The following GNAI1 variants were observed in gnomAD, a reference collection of about 807,000 sequenced individuals.
GNAI1 encodes guanine nucleotide-binding protein G(i) subunit alpha-1.
GNAI1 carries 11 observed loss-of-function variants against 38.9 expected under a neutral mutation model. The ratio of observed to expected loss-of-function variants is 0.28; its 90% CI spans 0.18 to 0.47. The LOEUF is 0.47. Among genes scored for constraint, GNAI1 ranks in the 20% least tolerant of loss-of-function variants. The pLI is 0.99. For missense variants in GNAI1, 317 were observed against 436.9 expected (o/e 0.73, Z 2.45); for synonymous variants, 166 against 145.1 (o/e 1.14, Z -1.04).
At chr7:80,217,222 A>C in intron 7 of GNAI1, 81 bp from the exon 8 acceptor site, 4 of 904,622 alleles carry the variant, frequency 4.4e-6, no homozygotes, top group South Asian at 2.0e-5. Flanking sequence ...CTTCAGTTTC[A>C]TATGTATGAA....
intron 1 of GNAI1, among the ~76,000 whole-genome samples, chr7:80,150,174 T>C (rs1787698863): frequency 6.6e-6 from 1 of 152,270 alleles, no homozygotes. Context: ...GATAATCCCA[T>C]TCCTAGGTAT....
rs1429196860 is a variant in GNAI1 at position 80,199,309 on chromosome 7, T to C, written c.388T>C (p.Leu130=). 1 of 1,613,116 alleles carries C rather than the reference T, an allele frequency of 6.2e-7. No homozygotes were observed. Among genetic ancestry groups the C allele is most frequent in the African/African-American group, 1.3e-5 (1 of 74,876 alleles). ...AGAACTTGCTGGAGTTATAAAGAGA[T>C]TGTGGAAAGATAGTGGTGTACAAGC... ...TAELAGVIKR[L]WKDSGVQACF... is the part of the protein sequence containing the mutation. Residue 130 remains leucine, a synonymous_variant, in exon 4 of 8, where the codon TTG becomes CTG. Coordinates refer to ENST00000649796, the MANE Select transcript of GNAI1 (RefSeq NM_002069.6).
chr7:80,209,799 T>C (rs985685050), intron 5 of GNAI1, among the ~76,000 whole-genome samples: 1 of 152,180 alleles, frequency 6.6e-6, no homozygotes, highest in Admixed American at 6.5e-5. Flanking sequence ...TTTACTGTCA[T>C]TTATTTTGTT....
chr7:80,159,165 G>T (rs1275257338), intron 1 of GNAI1, among the ~76,000 whole-genome samples: 1 of 152,124 alleles, frequency 6.6e-6, no homozygotes, highest in Non-Finnish European at 1.5e-5. Flanking sequence ...CTGGTGGCTT[G>T]TGCTCTCACA....
At chr7:80,154,450 A>C (rs766162018) in intron 1 of GNAI1, among the ~76,000 whole-genome samples, 1 of 152,268 alleles carries the variant, frequency 6.6e-6, no homozygotes, top group South Asian at 2.1e-4. Flanking sequence ...ATCTTCCCCA[A>C]GTTCTTGGGT....
At chr7:80,139,928 T>G (rs1401314980) in intron 1 of GNAI1, among the ~76,000 whole-genome samples, 4 of 131,244 alleles carry the variant, frequency 3.0e-5, no homozygotes, top group Non-Finnish European at 3.4e-5. Context: ...TTTTTTTTTT[T>G]TTTGTAAAGG....
chr7:80,184,514 A>G (rs917080269), intron 1 of GNAI1, among the ~76,000 whole-genome samples: 2 of 152,104 alleles, frequency 1.3e-5, no homozygotes, highest in Non-Finnish European at 2.9e-5. Context: ...TAGCATTCCT[A>G]GAGGAAGGTC....
At chr7:80,199,923 T>C (rs1197191185) in intron 4 of GNAI1, among the ~76,000 whole-genome samples, 2 of 152,174 alleles carry the variant, frequency 1.3e-5, no homozygotes, top group African/African-American at 4.8e-5. Context: ...TATTTGACAC[T>C]GTTTCCAGAT....
Position 80,219,392 on chromosome 7 carries a change from T to C in GNAI1, c.*1899T>C, listed in dbSNP as rs1789033698. ...TTAATAAATCCTAATAAATTTAAATTTTTAAAATTTTACAAACCTATTGGC... is the reference window on the plus strand; with the variant it reads ...TTAATAAATCCTAATAAATTTAAATCTTTAAAATTTTACAAACCTATTGGC... On this transcript the variant is annotated 3_prime_UTR_variant, in exon 8 of 8. Coordinates refer to ENST00000649796, the MANE Select transcript of GNAI1 (RefSeq NM_002069.6). 1.3e-5 allele frequency: 2 copies of C among 152,622 alleles called. No homozygotes were observed. Among genetic ancestry groups the C allele is most frequent in the African/African-American group, 2.4e-5 (1 of 41,464 alleles). 9.5% of individuals were successfully genotyped at this position (152,622 alleles called of 1,614,324 possible). A position where few individuals can be genotyped will look rare whatever the true frequency, so the allele number is the denominator to read the frequency against.
intron 1 of GNAI1, among the ~76,000 whole-genome samples, chr7:80,136,958 A>T (rs1787426156): frequency 6.6e-6 from 1 of 152,092 alleles, no homozygotes; most frequent in Admixed American, 6.5e-5. Context: ...CACGGTTGGC[A>T]TTTGGGGCTG....
intron 1 of GNAI1, among the ~76,000 whole-genome samples, chr7:80,148,537 A>G (rs1787668240): frequency 6.6e-6 from 1 of 151,638 alleles, no homozygotes; most frequent in Non-Finnish European, 1.5e-5. Context: ...AAATTAAAAA[A>G]AAAACAAAAA....
chr7:80,191,856 GT>G (rs1752986577), intron 3 of GNAI1, among the ~76,000 whole-genome samples: 4 of 152,144 alleles, frequency 2.6e-5, no homozygotes, highest in Admixed American at 2.6e-4. Context: ...ATAAGTGTCT[GT>G]TTTACCATAG....
chr7:80,183,755 CTGTT>C (rs1156602982), intron 1 of GNAI1, among the ~76,000 whole-genome samples: 1 of 152,156 alleles, frequency 6.6e-6, no homozygotes, highest in Non-Finnish European at 1.5e-5. Flanking sequence ...GAGGCAGACA[CTGTT>C]TGACTATCAC....
chr7:80,164,875 CACTT>C (rs1278206167), intron 1 of GNAI1, among the ~76,000 whole-genome samples: 2 of 149,690 alleles, frequency 1.3e-5, no homozygotes, highest in East Asian at 1.9e-4. Flanking sequence ...ATTAGTATAC[CACTT>C]ACTTCTTTAC....
intron 1 of GNAI1, among the ~76,000 whole-genome samples, chr7:80,148,460 T>G (rs1468900308): frequency 6.6e-6 from 1 of 152,090 alleles, no homozygotes; most frequent in Non-Finnish European, 1.5e-5. Flanking sequence ...TAGACTTGTG[T>G]AGATTTTGCA....
chr7:80,143,710 C>T (rs985813509), intron 1 of GNAI1, among the ~76,000 whole-genome samples: 33 of 152,104 alleles, frequency 2.2e-4, no homozygotes, highest in Non-Finnish European at 2.9e-5. Context: ...AATATATCTA[C>T]TTCATAGGGC....
Position 80,217,283 on chromosome 7 carries a change from C to T in GNAI1, c.875-20C>T. 3 of 1,401,772 alleles carry T rather than the reference C, an allele frequency of 2.1e-6. No individual in the cohort carries two copies. The highest frequency in any genetic ancestry group is 1.5e-5 in the South Asian group (1 of 68,170). The allele number at this position is 1,401,772 out of a possible 1,614,324, so 86.8% of individuals were successfully genotyped here. A position where few individuals can be genotyped will look rare whatever the true frequency, so the allele number is the denominator to read the frequency against. On this transcript the variant is annotated intron_variant, in intron 7 of 7. Transcript: ENST00000649796. Reference sequence around the variant, plus strand: ...ATTTTAACTTTTTGCATTTATGTTTCTTTCCTTTTTCCATCTCAGGATCAA... The same window carrying T: ...ATTTTAACTTTTTGCATTTATGTTTTTTTCCTTTTTCCATCTCAGGATCAA...
chr7:80,201,204 T>TG (rs2115676106), intron 4 of GNAI1, among the ~76,000 whole-genome samples: 1 of 152,330 alleles, frequency 6.6e-6, no homozygotes, highest in African/African-American at 2.4e-5. Context: ...ATATTTGCTT[T>TG]GACACCACCA....
Position 80,220,658 on chromosome 7 carries a change from C to T in GNAI1, c.*3165C>T, listed in dbSNP as rs947987411. Among the ~76,000 whole-genome samples the T allele has an allele frequency of 1.3e-5, 2 of 152,100 alleles. No individual in the cohort carries two copies. The highest frequency in any genetic ancestry group is 4.8e-5 in the African/African-American group (2 of 41,410). ...ATGCCTAATCTAGTTTAATCGAATT[C>T]AGTTTGTTACTGAAAAAGTACTGAT... is the stretch of plus-strand genomic sequence containing the variant. On this transcript the variant is annotated 3_prime_UTR_variant, in exon 8 of 8. Coordinates refer to ENST00000649796, the MANE Select transcript of GNAI1 (RefSeq NM_002069.6).
Sources: gnomAD v4.1 joint callset for allele counts (sites outside exome capture counted in the v4.1 genomes callset) on GRCh38, gnomAD v4.1.1 for gene constraint, MANE v1.5 for transcripts, NCBI Gene and HGNC (gene_info 2026-07-23, HGNC 2026-07-21) for gene names.